Variants in SYTL3 observed in about 807,000 individuals in gnomAD.
The protein encoded by SYTL3 is synaptotagmin-like protein 3.
SYTL3 carries 88 observed loss-of-function variants against 82.1 expected under a neutral mutation model. The observed-to-expected ratio is 1.07, with a 90% CI of 0.90 to 1.28. The LOEUF (loss-of-function observed/expected upper bound fraction) is 1.28. Among genes scored for constraint, SYTL3 ranks in the 50% most tolerant of loss-of-function variants. SYTL3 has a pLI of 0.00. For synonymous variants in SYTL3, 311 were observed against 289.4 expected (o/e 1.07, Z -0.76); for missense variants, 831 against 757.6 (o/e 1.10, Z -1.14).
chr6:158,673,998 C>T (rs959518296), intron 5 of SYTL3, among the ~76,000 whole-genome samples: 7 of 150,634 alleles, frequency 4.6e-5, no homozygotes, highest in South Asian at 2.1e-4. Context: ...GCAGGAGAAT[C>T]GCTGGAACCT....
chr6:158,663,571 C>G (rs1205397313), intron 4 of SYTL3, 193 bp downstream of exon 4: 1 of 985,122 alleles, frequency 1.0e-6, no homozygotes, highest in African/African-American at 1.7e-5. Flanking sequence ...AGAGGACGCT[C>G]AGGAGGAGGA....
intron 7 of SYTL3, among the ~76,000 whole-genome samples, chr6:158,707,823 A>G (rs527868479): frequency 6.5e-4 from 99 of 152,242 alleles, no homozygotes; most frequent in Admixed American, 6.5e-4. Context: ...ACCAGCTGCT[A>G]TTTTGTTTGG....
chr6:158,759,567 C>T (rs1414492187), intron 14 of SYTL3, among the ~76,000 whole-genome samples: 1 of 152,202 alleles, frequency 6.6e-6, no homozygotes, highest in East Asian at 1.9e-4. Flanking sequence ...GAGTTTTGCT[C>T]TGTCGTCCAG....
chr6:158,655,894 C>T (rs1788613302), intron 2 of SYTL3, among the ~76,000 whole-genome samples: 1 of 152,200 alleles, frequency 6.6e-6, no homozygotes, highest in Non-Finnish European at 1.5e-5. Context: ...TGACTGTCCC[C>T]ATCTCTTGCC....
At chr6:158,696,828 A>G (rs553421239) in intron 6 of SYTL3, among the ~76,000 whole-genome samples, 2 of 152,162 alleles carry the variant, frequency 1.3e-5, no homozygotes, top group Non-Finnish European at 2.9e-5. Context: ...AGACGGACAT[A>G]TAGACCAATG....
chr6:158,651,085 A>G (rs926843129), intron 1 of SYTL3, among the ~76,000 whole-genome samples: 6 of 152,224 alleles, frequency 3.9e-5, no homozygotes, highest in Non-Finnish European at 1.5e-5. Flanking sequence ...TTAGAGTGTG[A>G]GTTTAGGTAA....
intron 14 of SYTL3, 120 bp downstream of exon 14, chr6:158,757,501 C>A: frequency 1.8e-6 from 2 of 1,118,650 alleles, no homozygotes; most frequent in Non-Finnish European, 2.5e-6. Flanking sequence ...ACTGTGTGTT[C>A]GCCGGCCTGG....
chr6:158,746,680 G>A (rs1249139389), intron 12 of SYTL3, among the ~76,000 whole-genome samples: 1 of 151,682 alleles, frequency 6.6e-6, no homozygotes, highest in Non-Finnish European at 1.5e-5. Flanking sequence ...TGGCCAGGCT[G>A]GTCTCGAATT....
chr6:158,758,867 G>A (rs1789515663), intron 14 of SYTL3, among the ~76,000 whole-genome samples: 1 of 152,188 alleles, frequency 6.6e-6, no homozygotes, highest in African/African-American at 2.4e-5. Context: ...CAGGACGCCT[G>A]CCATCTCGGC....
At chr6:158,707,535 T>C (rs1172510201) in intron 7 of SYTL3, among the ~76,000 whole-genome samples, 1 of 152,230 alleles carries the variant, frequency 6.6e-6, no homozygotes, top group African/African-American at 2.4e-5. Context: ...TAAATTCTCC[T>C]GAAGTGTTAT....
intron 2 of SYTL3, among the ~76,000 whole-genome samples, chr6:158,653,010 C>G (rs915586091): frequency 4.6e-5 from 7 of 152,168 alleles, no homozygotes; most frequent in African/African-American, 1.7e-4. Flanking sequence ...CCAGAAAACC[C>G]ACCTCTGAAT....
intron 2 of SYTL3, among the ~76,000 whole-genome samples, chr6:158,653,219 C>G (rs1788248606): frequency 6.6e-6 from 1 of 151,938 alleles, no homozygotes. Flanking sequence ...AGAATCTATG[C>G]AAGCAGGCCG....
chr6:158,763,411 C>G lies in SYTL3; in HGVS notation c.1625C>G (p.Pro542Arg). Residue 542 changes from proline to arginine, a missense_variant, in exon 17 of 18, where the codon CCA becomes CGA. Physicochemically the swap from Pro to Arg is moderately radical, Grantham distance 103 (BLOSUM62 -2). Coordinates refer to ENST00000611299, the MANE Select transcript of SYTL3 (RefSeq NM_001242394.2). Reference sequence around the variant, plus strand: ...TCATTTGTCTTCAGTGGCGTAACCCCAGCTCAGCTGAGGCAGTCAAGCTTG... The same window carrying G: ...TCATTTGTCTTCAGTGGCGTAACCCGAGCTCAGCTGAGGCAGTCAAGCTTG... ...KHSFVFSGVTPAQLRQSSLEL... is the reference protein window; with the variant it reads ...KHSFVFSGVTRAQLRQSSLEL... 1.2e-6 allele frequency: 2 copies of G among 1,614,182 alleles called. No homozygotes were observed. The highest frequency in any genetic ancestry group is 4.5e-5 in the East Asian group (2 of 44,892).
Position 158,665,455 on chromosome 6 carries a change from G to A in SYTL3, c.171G>A (p.Glu57=). The A allele has an allele frequency of 6.2e-7, 1 of 1,609,070 alleles. No homozygotes were observed. Among genetic ancestry groups the A allele is most frequent in the Non-Finnish European group, 8.5e-7 (1 of 1,177,820 alleles). Residue 57 remains glutamate, a synonymous_variant, in exon 5 of 18, where the codon GAG becomes GAA. Transcript: ENST00000611299. ...AAGGAGCGAAGAACACGGACTGGGA[G>A]CACAAAGAGAAGTGCTGTGCGCGCT... The part of the protein sequence containing the change: ...RWKGAKNTDW[E]HKEKCCARCQ...
chr6:158,699,512 C>T (rs1459950134), intron 6 of SYTL3, among the ~76,000 whole-genome samples: 1 of 152,176 alleles, frequency 6.6e-6, no homozygotes, highest in African/African-American at 2.4e-5. Flanking sequence ...GCTTCAGGGG[C>T]AGGACTGGTG....
chr6:158,671,455 A>G (rs1777371911), intron 5 of SYTL3, among the ~76,000 whole-genome samples: 1 of 152,096 alleles, frequency 6.6e-6, no homozygotes, highest in African/African-American at 2.4e-5. Context: ...TTTAGCATCC[A>G]GGGTTCACAC....
chr6:158,660,452 G>A (rs1476769821), intron 2 of SYTL3, among the ~76,000 whole-genome samples: 1 of 152,242 alleles, frequency 6.6e-6, no homozygotes, highest in South Asian at 2.1e-4. Context: ...TCGAAAGGGC[G>A]TTTCCCACAC....
chr6:158,720,359 G>A (rs1277927013), intron 10 of SYTL3, among the ~76,000 whole-genome samples: 3 of 135,448 alleles, frequency 2.2e-5, no homozygotes, highest in East Asian at 4.4e-4. Flanking sequence ...AGCCGGGATC[G>A]TACTGTTATA....
chr6:158,659,451 G>C (rs939922661), intron 2 of SYTL3, among the ~76,000 whole-genome samples: 4 of 152,128 alleles, frequency 2.6e-5, no homozygotes, highest in Non-Finnish European at 2.9e-5. Flanking sequence ...TGCCTCCCGG[G>C]TTCAAGTGAT....
Sources: allele counts gnomAD v4.1 joint callset (sites outside exome capture counted in the v4.1 genomes callset), GRCh38; gene constraint gnomAD v4.1.1; transcripts MANE v1.5; gene names NCBI Gene and HGNC (gene_info 2026-07-23, HGNC 2026-07-21).